Variants in FCHO2 observed in about 807,000 individuals in gnomAD.
FCHO2 encodes FCH and mu domain containing endocytic adaptor 2.
A neutral mutation model predicts 114.1 loss-of-function variants in FCHO2; 43 were observed. The ratio of observed to expected loss-of-function variants is 0.38; its 90% CI spans 0.30 to 0.49. The LOEUF is 0.49. Ranked by LOEUF, FCHO2 falls within the 20% of genes least tolerant of loss-of-function variation. FCHO2 has a pLI of 0.97. For missense variants in FCHO2, 807 were observed against 950.4 expected, an observed-to-expected ratio of 0.85 and a Z score of 1.98; for synonymous variants, 293 against 315.2, an observed-to-expected ratio of 0.93 and a Z score of 0.75.
At chr5:73,065,169 G>A (rs1758005431) in intron 18 of FCHO2, among the ~76,000 whole-genome samples, 1 of 151,874 alleles carries the variant, frequency 6.6e-6, no homozygotes, top group Non-Finnish European at 1.5e-5. Context: ...AAAAGACTAG[G>A]TACAAGCTGC....
In FCHO2 at chr5:73,017,441, A is replaced by G. The variant is rs906471139; in HGVS notation, c.796+133A>G. On this transcript the variant is annotated intron_variant, in intron 8 of 25. Coordinates refer to ENST00000430046, the MANE Select transcript of FCHO2 (RefSeq NM_138782.3). ...CATATCTGAAGTTAAAAATATTTCC[A>G]AACTGTGAAATGGAGCCAACCCAAA... 31 of 505,072 alleles carry G rather than the reference A, an allele frequency of 6.1e-5. No homozygotes were observed. In the East Asian group the frequency reaches 9.9e-4, roughly 16 times the overall value. The allele number at this position is 505,072 out of a possible 1,614,324, so 31.3% of individuals were successfully genotyped here. A position where few individuals can be genotyped will look rare whatever the true frequency, so the allele number is the denominator to read the frequency against.
intron 5 of FCHO2, among the ~76,000 whole-genome samples, chr5:72,991,576 T>A (rs1016280763): frequency 2.0e-5 from 3 of 152,276 alleles, no homozygotes; most frequent in African/African-American, 7.2e-5. Context: ...AGCACATTTA[T>A]GTAGCATTGT....
At chr5:73,074,693 A>C (rs769345541) in intron 19 of FCHO2, 49 bp from the exon 20 acceptor site, 12 of 1,508,076 alleles carry the variant, frequency 8.0e-6, no homozygotes, top group Non-Finnish European at 1.1e-5. Context: ...CTTGATATTT[A>C]ATTTATGTCT....
intron 17 of FCHO2, among the ~76,000 whole-genome samples, chr5:73,061,914 T>C (rs62362203): frequency 0.3 from 45,300 of 152,018 alleles, 6,982 homozygotes; most frequent in East Asian, 0.44. Context: ...GCTGCTGCTA[T>C]TTCTTCTACA....
chr5:72,960,659 T>A (rs1751807219), intron 1 of FCHO2, among the ~76,000 whole-genome samples: 1 of 152,192 alleles, frequency 6.6e-6, no homozygotes. Context: ...GTCTTGAGAT[T>A]ATAACAACAT....
chr5:73,009,017 A>G (rs560744008), intron 6 of FCHO2, among the ~76,000 whole-genome samples: 50 of 152,352 alleles, frequency 3.3e-4, no homozygotes, highest in Admixed American at 1.6e-3. Context: ...AGTGTGGGGA[A>G]GAAAGGGCCT....
At chr5:72,975,591 C>G (rs1437811545) in intron 2 of FCHO2, among the ~76,000 whole-genome samples, 3 of 152,084 alleles carry the variant, frequency 2.0e-5, no homozygotes, top group Non-Finnish European at 2.9e-5. Context: ...TGCAACCTCC[C>G]TGTCCTAAGT....
Position 73,068,761 on chromosome 5 carries a change from G to A in FCHO2, c.1561G>A (p.Ala521Thr), listed in dbSNP as rs1650545800. Residue 521 changes from alanine to threonine, a missense_variant, in exon 19 of 26, where the codon GCC becomes ACC. Coordinates refer to ENST00000430046, the MANE Select transcript of FCHO2 (RefSeq NM_138782.3). ...CTCATCATCTGCTTCATTGAGTGCTGCCAATACTCCAACAGTAGGTAAGTG... is the reference window on the plus strand; with the variant it reads ...CTCATCATCTGCTTCATTGAGTGCTACCAATACTCCAACAGTAGGTAAGTG... ...SISSSASLSAANTPTVGVSRG... is the reference protein window; with the variant it reads ...SISSSASLSATNTPTVGVSRG... The A allele has an allele frequency of 1.9e-6, 3 of 1,611,784 alleles. No homozygotes were observed. The highest frequency in any genetic ancestry group is 2.5e-6 in the Non-Finnish European group (3 of 1,178,680).
rs761712071 is a variant in FCHO2 at position 73,063,930 on chromosome 5, G to A, written c.1435G>A (p.Gly479Arg). Residue 479 changes from glycine (G) to arginine (R), a missense_variant, in exon 18 of 26, where the codon GGG (glycine) becomes AGG (arginine). By Grantham distance (125) the Gly-to-Arg change is moderately radical (BLOSUM62 -2). Coordinates refer to ENST00000430046, the MANE Select transcript of FCHO2 (RefSeq NM_138782.3). The stretch of plus-strand genomic sequence containing the variant: ...AAAGCTTACTTCAGGCAAACTCAGT[G>A]GGATTAATGAAATAGTATGTACTCA... ...RPKLTSGKLS[G>R]INEIPRPFSP... 2 of 1,609,944 alleles carry A rather than the reference G, an allele frequency of 1.2e-6. No individual in the cohort carries two copies. Among genetic ancestry groups the A allele is most frequent in the South Asian group, 2.2e-5 (2 of 90,322 alleles).
Position 73,006,583 on chromosome 5 carries a change from G to C in FCHO2, c.600+34G>C, listed in dbSNP as rs2290623. ...TTTAAGGCTTCAGATTGAAAACAGGGCATTTATATTTGTGTATATTGATTA... is the reference window on the plus strand; with the variant it reads ...TTTAAGGCTTCAGATTGAAAACAGGCCATTTATATTTGTGTATATTGATTA... On this transcript the variant is annotated intron_variant, in intron 6 of 25. Coordinates refer to ENST00000430046, the MANE Select transcript of FCHO2 (RefSeq NM_138782.3). 5.6e-4 allele frequency: 769 copies of C among 1,367,020 alleles called. 4 individuals are homozygous for C. In the East Asian group the frequency reaches 0.017, roughly 29 times the overall value. 84.7% of individuals were successfully genotyped at this position (1,367,020 alleles called of 1,614,324 possible).
intron 16 of FCHO2, 132 bp downstream of exon 16, chr5:73,056,239 C>G: frequency 1.6e-6 from 1 of 640,668 alleles, no homozygotes; most frequent in East Asian, 3.0e-5. Context: ...TGCCCAGTCT[C>G]TCTCACAGTC....
At chr5:72,957,091 A>G (rs767476995) in intron 1 of FCHO2, among the ~76,000 whole-genome samples, 11 of 152,176 alleles carry the variant, frequency 7.2e-5, no homozygotes, top group Non-Finnish European at 1.5e-4. Context: ...TCTTAATTCT[A>G]AGTGCCTCAA....
intron 2 of FCHO2, among the ~76,000 whole-genome samples, chr5:72,979,378 CTTTTTTTTTT>C (rs60234739): frequency 0.011 from 524 of 49,764 alleles, 3 homozygotes; most frequent in African/African-American, 0.037. Flanking sequence ...TTATCAATTT[CTTTTTTTTTT>C]TTTTTTTTTT....
chr5:72,968,385 T>A (rs1246261423), intron 1 of FCHO2, 113 bp from the exon 2 acceptor site: 3 of 655,156 alleles, frequency 4.6e-6, no homozygotes, highest in Non-Finnish European at 7.3e-6. Flanking sequence ...GAAAAATTTA[T>A]GAAAACACCT....
At chr5:73,037,075 T>C (rs1268230790) in intron 9 of FCHO2, 68 bp from the exon 10 acceptor site, 2 of 1,057,488 alleles carry the variant, frequency 1.9e-6, no homozygotes, top group Non-Finnish European at 2.7e-6. Context: ...ATGCAAGATG[T>C]ATCCATAAGT....
chr5:73,064,508 T>C (rs1003255593), intron 18 of FCHO2, among the ~76,000 whole-genome samples: 1 of 152,096 alleles, frequency 6.6e-6, no homozygotes, highest in Admixed American at 6.6e-5. Flanking sequence ...TGGTTTGTTT[T>C]GCTTCATCTT....
chr5:72,983,899 T>C (rs1753367849), intron 2 of FCHO2, among the ~76,000 whole-genome samples: 1 of 152,082 alleles, frequency 6.6e-6, no homozygotes, highest in African/African-American at 2.4e-5. Flanking sequence ...GGGTATATAC[T>C]CTGGAGTAGA....
intron 1 of FCHO2, among the ~76,000 whole-genome samples, chr5:72,960,585 T>G (rs1323751614): frequency 6.6e-6 from 1 of 152,184 alleles, no homozygotes; most frequent in African/African-American, 2.4e-5. Flanking sequence ...TGATCAGTAT[T>G]ACAGTGAGGA....
intron 17 of FCHO2, among the ~76,000 whole-genome samples, chr5:73,058,730 G>C (rs993335849): frequency 6.6e-6 from 1 of 151,818 alleles, no homozygotes; most frequent in African/African-American, 2.4e-5. Flanking sequence ...AATACTAAGT[G>C]GTTTTTTAAA....
Sources: gnomAD v4.1 joint callset for allele counts (sites outside exome capture counted in the v4.1 genomes callset) on GRCh38, gnomAD v4.1.1 for gene constraint, MANE v1.5 for transcripts, NCBI Gene and HGNC (gene_info 2026-07-23, HGNC 2026-07-21) for gene names.